NXPE2: variants seen among roughly 807,000 people sequenced by gnomAD.
NXPE2 encodes NXPE family member 2.
Under a neutral mutation model 34.4 loss-of-function variants are expected in NXPE2, and 34 were observed. The observed-to-expected ratio is 0.99, with a 90% confidence interval of 0.75 to 1.31. The LOEUF (loss-of-function observed/expected upper bound fraction) is 1.31. Ranked by LOEUF, NXPE2 falls within the 40% of genes most tolerant of loss-of-function variation. The pLI is 0.00. For synonymous variants in NXPE2, 235 were observed against 231.3 expected (o/e 1.02, Z -0.15); for missense variants, 649 against 672.5 (o/e 0.97, Z 0.39).
the NXPE2 span, among the ~76,000 whole-genome samples, chr11:114,596,075 A>G: frequency 6.6e-6 from 1 of 152,230 alleles, no homozygotes; most frequent in East Asian, 1.9e-4. Flanking sequence ...GTAATCATCA[A>G]CAGAAAGTCA....
chr11:114,625,691 A>G, the NXPE2 span, among the ~76,000 whole-genome samples: 21,926 of 152,166 alleles, frequency 0.14, 1,953 homozygotes, highest in East Asian at 0.38. Flanking sequence ...CCGAGTAGGA[A>G]CAGCCCCGGT....
At chr11:114,562,134 C>T in the NXPE2 span, among the ~76,000 whole-genome samples, 2 of 152,188 alleles carry the variant, frequency 1.3e-5, no homozygotes, top group African/African-American at 2.4e-5. Context: ...CTTTATGCCT[C>T]TCTTTCAAGT....
chr11:114,523,479 C>T, the NXPE2 span, among the ~76,000 whole-genome samples: 1 of 152,136 alleles, frequency 6.6e-6, no homozygotes, highest in African/African-American at 2.4e-5. Flanking sequence ...ACCTTTGTTT[C>T]ATTAATGAAG....
At chr11:114,769,615 G>T in the NXPE2 span, among the ~76,000 whole-genome samples, 1 of 152,266 alleles carries the variant, frequency 6.6e-6, no homozygotes, top group Admixed American at 6.5e-5. Flanking sequence ...TATACACCAT[G>T]GAATACTATG....
chr11:114,562,980 GA>G, the NXPE2 span, among the ~76,000 whole-genome samples: 1 of 151,954 alleles, frequency 6.6e-6, no homozygotes, highest in Non-Finnish European at 1.5e-5. Flanking sequence ...TTAAGTCACA[GA>G]AAAAAACCAA....
chr11:114,644,772 T>C, the NXPE2 span, among the ~76,000 whole-genome samples: 1 of 151,420 alleles, frequency 6.6e-6, no homozygotes, highest in Non-Finnish European at 1.5e-5. Flanking sequence ...AAAATACATA[T>C]CTAAATCTGC....
the NXPE2 span, among the ~76,000 whole-genome samples, chr11:114,594,490 A>G: frequency 2.0e-5 from 3 of 152,202 alleles, no homozygotes; most frequent in African/African-American, 4.8e-5. Context: ...ACACACACAC[A>G]GTATTTATCC....
chr11:114,582,738 A>G, the NXPE2 span: 1 of 1,614,058 alleles, frequency 6.2e-7, no homozygotes, highest in East Asian at 2.2e-5. Context: ...CCTGCGTCCC[A>G]AGTGGTCCCT....
the NXPE2 span, chr11:114,594,612 G>T: frequency 8.6e-7 from 1 of 1,167,664 alleles, no homozygotes; most frequent in Non-Finnish European, 1.3e-6. Context: ...AACAGATGAG[G>T]TAATAAGCAA....
chr11:114,801,549 A>G, the NXPE2 span, among the ~76,000 whole-genome samples: 1 of 152,234 alleles, frequency 6.6e-6, no homozygotes, highest in African/African-American at 2.4e-5. Flanking sequence ...TAACTCATTC[A>G]GATTCTTAAA....
At chr11:114,755,285 T>C in the NXPE2 span, among the ~76,000 whole-genome samples, 1 of 152,202 alleles carries the variant, frequency 6.6e-6, no homozygotes, top group African/African-American at 2.4e-5. Flanking sequence ...GCCACTCTTA[T>C]TATTTGCAAG....
chr11:114,619,108 G>A, the NXPE2 span, among the ~76,000 whole-genome samples: 1 of 152,070 alleles, frequency 6.6e-6, no homozygotes, highest in South Asian at 2.1e-4. Flanking sequence ...TTGCACTGTG[G>A]ATAATAAGTG....
At chr11:114,688,612 G>A (rs1951089694) in intron 2 of NXPE2, among the ~76,000 whole-genome samples, 1 of 152,072 alleles carries the variant, frequency 6.6e-6, no homozygotes. Flanking sequence ...GAATGAATTA[G>A]AGAAGAGTTC....
chr11:114,793,362 G>T, the NXPE2 span, among the ~76,000 whole-genome samples: 1 of 151,888 alleles, frequency 6.6e-6, no homozygotes, highest in Non-Finnish European at 1.5e-5. Context: ...AAATTTCACA[G>T]ACTAAACAAA....
chr11:114,697,164 C>T (rs985594744), intron 2 of NXPE2, among the ~76,000 whole-genome samples: 6 of 152,122 alleles, frequency 3.9e-5, no homozygotes, highest in African/African-American at 7.2e-5. Flanking sequence ...TAGAAAAACA[C>T]TCTTTGATGA....
chr11:114,624,608 C>T, the NXPE2 span, among the ~76,000 whole-genome samples: 42 of 151,804 alleles, frequency 2.8e-4, no homozygotes, highest in African/African-American at 1.0e-3. Context: ...TAAGTATTGC[C>T]TCATGGGCAA....
the NXPE2 span, among the ~76,000 whole-genome samples, chr11:114,491,396 A>G: frequency 6.6e-6 from 1 of 152,090 alleles, no homozygotes; most frequent in African/African-American, 2.4e-5. Context: ...GCAGCCAAAA[A>G]CACATGAAAA....
At chr11:114,761,342 A>C in the NXPE2 span, among the ~76,000 whole-genome samples, 8 of 152,174 alleles carry the variant, frequency 5.3e-5, no homozygotes, top group African/African-American at 1.2e-4. Flanking sequence ...CGTTATTTTC[A>C]TAACTACCAG....
chr11:114,765,376 T>A, the NXPE2 span, among the ~76,000 whole-genome samples: 1 of 152,232 alleles, frequency 6.6e-6, no homozygotes, highest in African/African-American at 2.4e-5. Flanking sequence ...CAGCACGTGC[T>A]CACTCCAAGT....
Sources: gnomAD v4.1 joint callset for allele counts (sites outside exome capture counted in the v4.1 genomes callset) on GRCh38, gnomAD v4.1.1 for gene constraint, MANE v1.5 for transcripts, NCBI Gene and HGNC (gene_info 2026-07-23, HGNC 2026-07-21) for gene names.